Variants in ANXA11 observed in about 807,000 individuals in gnomAD.
The protein encoded by ANXA11 is annexin A11.
ANXA11 carries 57 observed loss-of-function variants against 64.7 expected under a neutral mutation model. The observed-to-expected ratio is 0.88, with a 90% CI of 0.71 to 1.10. ANXA11 has a LOEUF of 1.10. Ranked by LOEUF, ANXA11 falls within the 50% of genes least tolerant of loss-of-function variation. The pLI is 0.00. For synonymous variants in ANXA11, 260 were observed against 265.2 expected, an observed-to-expected ratio of 0.98 and a Z score of 0.19; for missense variants, 675 against 670.7, an observed-to-expected ratio of 1.01 and a Z score of -0.07.
intron 15 of ANXA11, chr10:80,157,357 C>T (rs12769764): frequency 8.4e-5 from 83 of 985,380 alleles, no homozygotes; most frequent in East Asian, 1.1e-4. Context: ...AGGAATCACA[C>T]GGTGATCGGA....
chr10:80,188,095 C>A (rs951713879), intron 1 of ANXA11, among the ~76,000 whole-genome samples: 4 of 152,018 alleles, frequency 2.6e-5, no homozygotes, highest in African/African-American at 9.7e-5. Context: ...AATGTCTACC[C>A]CTAGATTCTT....
rs1299730523 is a variant in ANXA11, at chr10:80,152,799, C to T, written c.*3054G>A. On this transcript the variant is annotated 3_prime_UTR_variant, in exon 16 of 16. Coordinates refer to ENST00000422982, the MANE Select transcript of ANXA11 (RefSeq NM_145868.2). Reference sequence around the variant, plus strand: ...AGCGGCTTAACTCTCCCTCTGGGCACAAGCTGAGCCATGTCCTGGCTCCCC... The same window carrying T: ...AGCGGCTTAACTCTCCCTCTGGGCATAAGCTGAGCCATGTCCTGGCTCCCC... The T allele has an allele frequency of 6.6e-6, 1 of 152,240 alleles. No homozygotes were observed. Among genetic ancestry groups the T allele is most frequent in the African/African-American group, 2.4e-5 (1 of 41,448 alleles). The allele number at this position is 152,240 out of a possible 1,614,324, so 9.4% of individuals were successfully genotyped here.
chr10:80,188,009 T>C (rs914226189), intron 1 of ANXA11, among the ~76,000 whole-genome samples: 11 of 152,014 alleles, frequency 7.2e-5, no homozygotes, highest in Non-Finnish European at 2.9e-5. Context: ...CCTTCCCTCA[T>C]TTTGCAGTGG....
chr10:80,192,019 G>A (rs1282741535), intron 1 of ANXA11, among the ~76,000 whole-genome samples: 1 of 152,210 alleles, frequency 6.6e-6, no homozygotes, highest in African/African-American at 2.4e-5. Flanking sequence ...CGTCCCCAGG[G>A]CAGGGTGGGT....
intron 3 of ANXA11, chr10:80,171,595 C>T (rs1450440478): frequency 5.1e-6 from 5 of 980,506 alleles, no homozygotes; most frequent in South Asian, 4.7e-5. Context: ...ACTGCTGTGA[C>T]GAAGACTGAG....
rs530988903 is a variant in ANXA11 at position 80,194,165 on chromosome 10, C to A, written c.-58+11178G>T. 2.0e-5 allele frequency among the ~76,000 whole-genome samples: 3 copies of A among 152,198 alleles called. No individual in the cohort carries two copies. In the South Asian group the frequency reaches 6.2e-4, roughly 32 times the overall value. ...TGCAGTAGGTCCAGGTTTTGTGGGG[C>A]CTGAAGCTTATACAATTTTAGGAAC... On this transcript the variant is annotated intron_variant, in intron 1 of 15. Coordinates refer to ENST00000422982, the MANE Select transcript of ANXA11 (RefSeq NM_145868.2).
intron 9 of ANXA11, 22 bp downstream of exon 9, chr10:80,164,031 A>C: frequency 1.2e-6 from 2 of 1,603,758 alleles, no homozygotes; most frequent in Non-Finnish European, 1.7e-6. Context: ...CAGAGGGCAG[A>C]GGGCAGAGGG....
intron 1 of ANXA11, among the ~76,000 whole-genome samples, chr10:80,199,148 G>C (rs1037082226): frequency 6.7e-6 from 1 of 149,310 alleles, no homozygotes; most frequent in African/African-American, 2.5e-5. Flanking sequence ...CCAGGCTGGA[G>C]TGCAGTGGCA....
intron 1 of ANXA11, among the ~76,000 whole-genome samples, chr10:80,201,580 G>A (rs893109040): frequency 2.0e-5 from 3 of 152,190 alleles, no homozygotes; most frequent in African/African-American, 7.2e-5. Flanking sequence ...GGGACACCAG[G>A]TGGATGACTC....
In ANXA11 at chr10:80,169,000, C is replaced by T; in HGVS notation, c.530G>A (p.Gly177Glu). ...VPSYPGYPGS[G>E]TVTPAVPPTQ... ...TGGGGGCACAGCGGGGGTGACAGTC[C>T]CAGACCCCGGGTATCCTGGGTAGCT... Residue 177 changes from glycine to glutamate, a missense_variant, in exon 5 of 16, where the codon GGG (glycine) becomes GAG (glutamate). Physicochemically the swap from Gly to Glu is moderately conservative, Grantham distance 98. Transcript: ENST00000422982. 6.5e-7 allele frequency: 1 copy of T among 1,542,236 alleles called. No homozygotes were observed. Among genetic ancestry groups the T allele is most frequent in the Non-Finnish European group, 8.7e-7 (1 of 1,150,098 alleles).
At chr10:80,201,454 A>T (rs902396380) in intron 1 of ANXA11, among the ~76,000 whole-genome samples, 1 of 152,184 alleles carries the variant, frequency 6.6e-6, no homozygotes, top group Non-Finnish European at 1.5e-5. Context: ...CCTGAGCCCC[A>T]GACCCACCAG....
rs1261102248 is a variant in ANXA11 at position 80,155,338 on chromosome 10, G to T, written c.*515C>A. 1.3e-5 allele frequency: 2 copies of T among 152,962 alleles called. No individual in the cohort carries two copies. The highest frequency in any genetic ancestry group is 4.8e-5 in the African/African-American group (2 of 41,420). The allele number at this position is 152,962 out of a possible 1,614,324, so 9.5% of individuals were successfully genotyped here. ...TTTCTAAAAAGGAGTGAGTTTGGCA[G>T]TAACAAAGCTCGTGACACACTCACC... On this transcript the variant is annotated 3_prime_UTR_variant, in exon 16 of 16. Coordinates refer to ENST00000422982, the MANE Select transcript of ANXA11 (RefSeq NM_145868.2).
In ANXA11 at chr10:80,163,529, A is replaced by G. The variant is rs1845601422; in HGVS notation, c.1029+5T>C. On this transcript the variant is annotated splice_donor_5th_base_variant and intron_variant, in intron 10 of 15. Coordinates refer to ENST00000422982, the MANE Select transcript of ANXA11 (RefSeq NM_145868.2). The stretch of plus-strand genomic sequence containing the variant: ...GGGCCCCGAGCCCTGTCGTGGGAAA[A>G]GTACCTGAGAGAGAGAGATGAGGAG... 6.3e-7 allele frequency: 1 copy of G among 1,585,630 alleles called. No individual in the cohort carries two copies. Among genetic ancestry groups the G allele is most frequent in the East Asian group, 2.3e-5 (1 of 43,682 alleles).
chr10:80,199,991 G>A (rs1252462442), intron 1 of ANXA11, among the ~76,000 whole-genome samples: 1 of 152,208 alleles, frequency 6.6e-6, no homozygotes, highest in Non-Finnish European at 1.5e-5. Context: ...AACTCATCTT[G>A]CTGTCTGGAA....
At chr10:80,202,244 T>A (rs1302507885) in intron 1 of ANXA11, among the ~76,000 whole-genome samples, 1 of 152,036 alleles carries the variant, frequency 6.6e-6, no homozygotes, top group African/African-American at 2.4e-5. Context: ...TGTCCTAGGA[T>A]ACCTAGCACA....
intron 1 of ANXA11, among the ~76,000 whole-genome samples, chr10:80,184,760 CA>C (rs765220623): frequency 2.0e-5 from 3 of 152,150 alleles, no homozygotes; most frequent in Non-Finnish European, 4.4e-5. Flanking sequence ...CCAACCTCCC[CA>C]GGACTCTTCC....
chr10:80,173,059 C>T (rs1281603747), intron 2 of ANXA11, 190 bp from the exon 3 acceptor site: 4 of 563,932 alleles, frequency 7.1e-6, no homozygotes, highest in Non-Finnish European at 1.3e-5. Context: ...ACAGTACCCA[C>T]CAGCATGCTG....
intron 1 of ANXA11, among the ~76,000 whole-genome samples, chr10:80,195,141 C>T (rs1032711763): frequency 1.1e-4 from 17 of 152,218 alleles, no homozygotes; most frequent in African/African-American, 4.1e-4. Context: ...TCCTCGGGGC[C>T]TGTTCAAACC....
chr10:80,184,115 C>T (rs142652444), intron 1 of ANXA11, among the ~76,000 whole-genome samples: 7 of 152,282 alleles, frequency 4.6e-5, no homozygotes, highest in East Asian at 3.9e-4. Flanking sequence ...CACCTCAAGG[C>T]CCATCTTGAT....
Sources: allele counts gnomAD v4.1 joint callset (sites outside exome capture counted in the v4.1 genomes callset), GRCh38; gene constraint gnomAD v4.1.1; transcripts MANE v1.5; gene names NCBI Gene and HGNC (gene_info 2026-07-23, HGNC 2026-07-21).